SLC13A1: variants seen among roughly 807,000 people sequenced by gnomAD.
SLC13A1 encodes the protein Na(+)/sulfate cotransporter.
Under a neutral mutation model 70.0 loss-of-function variants are expected in SLC13A1, and 65 were observed. The observed-to-expected ratio is 0.93, with a 90% CI of 0.76 to 1.14. The LOEUF (loss-of-function observed/expected upper bound fraction) is 1.14, where lower values mean the gene tolerates loss of function less well. Ranked by LOEUF, SLC13A1 falls within the 50% of genes most tolerant of loss-of-function variation. The pLI is 0.00. For synonymous variants in SLC13A1, 275 were observed against 250.5 expected, an observed-to-expected ratio of 1.10 and a Z score of -0.92; for missense variants, 726 against 717.8, an observed-to-expected ratio of 1.01 and a Z score of -0.13.
chr7:123,166,767 A>C (rs1240237495), intron 6 of SLC13A1, among the ~76,000 whole-genome samples: 1 of 152,154 alleles, frequency 6.6e-6, no homozygotes, highest in Non-Finnish European at 1.5e-5. Context: ...TACATGTGCC[A>C]CATTTTCTTA....
intron 2 of SLC13A1, among the ~76,000 whole-genome samples, chr7:123,173,777 A>G (rs1795351511): frequency 6.6e-6 from 1 of 152,108 alleles, no homozygotes; most frequent in Non-Finnish European, 1.5e-5. Flanking sequence ...GGTACACAGT[A>G]GAGAGCTTGG....
chr7:123,132,757 G>C (rs759842730), intron 8 of SLC13A1, among the ~76,000 whole-genome samples: 6 of 152,060 alleles, frequency 3.9e-5, no homozygotes, highest in Admixed American at 2.0e-4. Flanking sequence ...AAATAAATTT[G>C]AGCTGTTTTG....
intron 9 of SLC13A1, 31 bp downstream of exon 9, chr7:123,129,324 CTGTGTGTGTGTGTGTGTGTGTGTGTGTG>C (rs3837116): frequency 1.5e-5 from 12 of 781,198 alleles, no homozygotes; most frequent in South Asian, 1.9e-5. Flanking sequence ...TCTCTCTTCT[CTGTGTGTGTGTGTGTGTGTGTGTGTGTG>C]TGTGTGTGTG....
chr7:123,144,430 G>C (rs1794276707), intron 7 of SLC13A1, among the ~76,000 whole-genome samples: 1 of 152,090 alleles, frequency 6.6e-6, no homozygotes, highest in Admixed American at 6.6e-5. Context: ...CAAAAATCCT[G>C]TGAAAAAAGC....
intron 7 of SLC13A1, among the ~76,000 whole-genome samples, chr7:123,146,359 T>C (rs1794350352): frequency 6.6e-6 from 1 of 152,118 alleles, no homozygotes; most frequent in Non-Finnish European, 1.5e-5. Flanking sequence ...ACCCCGTGTC[T>C]ACTAAAAGTA....
intron 1 of SLC13A1, among the ~76,000 whole-genome samples, chr7:123,196,697 A>C (rs1028230158): frequency 6.6e-6 from 1 of 152,082 alleles, no homozygotes; most frequent in Non-Finnish European, 1.5e-5. Flanking sequence ...TACCTTAATG[A>C]CATTGCGTAC....
At chr7:123,119,010 T>C in intron 13 of SLC13A1, 71 bp downstream of exon 13, 1 of 1,391,408 alleles carries the variant, frequency 7.2e-7, no homozygotes, top group Non-Finnish European at 9.8e-7. Context: ...TACCACAACA[T>C]GAAAACCAGC....
At chr7:123,123,594 C>A (rs1793461475) in intron 11 of SLC13A1, among the ~76,000 whole-genome samples, 1 of 152,102 alleles carries the variant, frequency 6.6e-6, no homozygotes, top group Non-Finnish European at 1.5e-5. Flanking sequence ...CTATAATATT[C>A]TTTGCTATGC....
At chr7:123,176,374 C>G (rs1308024325) in intron 2 of SLC13A1, among the ~76,000 whole-genome samples, 2 of 152,132 alleles carry the variant, frequency 1.3e-5, no homozygotes, top group African/African-American at 4.8e-5. Context: ...TAACTATTCT[C>G]AAGGCAAAAT....
At chr7:123,166,002 C>T (rs1212467319) in intron 6 of SLC13A1, among the ~76,000 whole-genome samples, 1 of 152,028 alleles carries the variant, frequency 6.6e-6, no homozygotes, top group Non-Finnish European at 1.5e-5. Context: ...CTTGCACATG[C>T]TCTCGTCTTT....
chr7:123,129,982 C>T lies in SLC13A1; in HGVS notation c.933-501G>A, dbSNP rs565918438. 6.3e-4 allele frequency among the ~76,000 whole-genome samples: 96 copies of T among 152,264 alleles called. 2 individuals carry two copies. The South Asian group carries it at 0.018, about 29-fold the overall frequency. ...TTTCCTTTGGCCTGCTATCTCTGAA[C>T]ACTGCTACCTCTGAACATACACAGT... On this transcript the variant is annotated intron_variant, in intron 8 of 14. Coordinates refer to ENST00000194130, the MANE Select transcript of SLC13A1 (RefSeq NM_022444.4).
At chr7:123,147,632 C>G (rs907078388) in intron 6 of SLC13A1, among the ~76,000 whole-genome samples, 1 of 151,890 alleles carries the variant, frequency 6.6e-6, no homozygotes, top group African/African-American at 2.4e-5. Context: ...AGACACTGAC[C>G]CTGCCAGACC....
chr7:123,146,695 A>T (rs117434037), intron 7 of SLC13A1, among the ~76,000 whole-genome samples: 2,330 of 152,204 alleles, frequency 0.015, 29 homozygotes, highest in East Asian at 0.027. Flanking sequence ...TATTACTGAC[A>T]CTTATTACAA....
rs1330116263 is a variant in SLC13A1, at chr7:123,125,577, C to T, written c.1232G>A (p.Gly411Glu). The T allele has an allele frequency of 6.2e-7, 1 of 1,602,952 alleles. No individual in the cohort carries two copies. Among genetic ancestry groups the T allele is most frequent in the Admixed American group, 1.7e-5 (1 of 57,706 alleles). ...AKTLTKTTPT[G>E]EIVAFDYSPL... ...TATAAATGATACTCAACCAATTTCT[C>T]CTGTAGGTGTAGTTTTAGTCAGTGT... Residue 411 changes from glycine to glutamate, a missense_variant, in exon 11 of 15, where the codon GGA (glycine) becomes GAA (glutamate). Physicochemically the swap from Gly to Glu is moderately conservative, Grantham distance 98. Transcript: ENST00000194130.
At chr7:123,157,654 A>G (rs1055404083) in intron 6 of SLC13A1, among the ~76,000 whole-genome samples, 1 of 152,112 alleles carries the variant, frequency 6.6e-6, no homozygotes, top group South Asian at 2.1e-4. Flanking sequence ...ACAAAATATA[A>G]TAACATAGCA....
chr7:123,135,899 ATG>A (rs1793933850), intron 7 of SLC13A1, among the ~76,000 whole-genome samples: 1 of 152,230 alleles, frequency 6.6e-6, no homozygotes, highest in South Asian at 2.1e-4. Flanking sequence ...ATGTTAGAAA[ATG>A]TGCAGTGTGA....
intron 10 of SLC13A1, among the ~76,000 whole-genome samples, chr7:123,127,240 C>T (rs1327114255): frequency 1.3e-5 from 2 of 151,988 alleles, no homozygotes; most frequent in Admixed American, 1.3e-4. Flanking sequence ...TTATTGTTTT[C>T]TCTCAGAATT....
chr7:123,153,643 G>T (rs1181855709), intron 6 of SLC13A1, among the ~76,000 whole-genome samples: 1 of 152,018 alleles, frequency 6.6e-6, no homozygotes, highest in Non-Finnish European at 1.5e-5. Flanking sequence ...CCAACTAGTG[G>T]TACAGAAATT....
chr7:123,183,194 C>G (rs1025900372), intron 1 of SLC13A1, among the ~76,000 whole-genome samples: 5 of 152,146 alleles, frequency 3.3e-5, no homozygotes, highest in African/African-American at 1.2e-4. Context: ...CAGTCACAAG[C>G]TGATAGCCAA....
Sources: allele counts gnomAD v4.1 joint callset (sites outside exome capture counted in the v4.1 genomes callset), GRCh38; gene constraint gnomAD v4.1.1; transcripts MANE v1.5; gene names NCBI Gene and HGNC (gene_info 2026-07-23, HGNC 2026-07-21).